Variants in C8orf88 observed in about 807,000 individuals in gnomAD.
C8orf88 encodes the protein uncharacterized protein C8orf88.
In C8orf88, 14 loss-of-function variants were observed where a neutral mutation model predicts 18.4. The ratio of observed to expected loss-of-function variants is 0.76; its 90% CI spans 0.50 to 1.19. The LOEUF (loss-of-function observed/expected upper bound fraction) is 1.19, where lower values mean the gene tolerates loss of function less well. Ranked by LOEUF, C8orf88 falls within the 50% of genes most tolerant of loss-of-function variation. The pLI is 0.00. For synonymous variants in C8orf88, 45 were observed against 42.9 expected (o/e 1.05, Z -0.19); for missense variants, 116 against 134.7 (o/e 0.86, Z 0.69).
chr8:90,982,252 G>GA (rs1217383769), intron 1 of C8orf88, among the ~76,000 whole-genome samples: 3 of 151,932 alleles, frequency 2.0e-5, no homozygotes, highest in South Asian at 2.1e-4. Flanking sequence ...AGCACAAATA[G>GA]AAAAAATACT....
intron 1 of C8orf88, among the ~76,000 whole-genome samples, chr8:90,982,003 T>C (rs1437243692): frequency 1.3e-5 from 2 of 152,146 alleles, no homozygotes; most frequent in African/African-American, 2.4e-5. Flanking sequence ...TTAAATATCT[T>C]TGGACATGTA....
In C8orf88 at chr8:90,981,934, C is replaced by T. The variant is rs894367321; in HGVS notation, c.-26-1473G>A. Among the ~76,000 whole-genome samples the T allele has an allele frequency of 3.3e-5, 5 of 152,052 alleles. No individual in the cohort carries two copies. In the South Asian group the frequency reaches 1.0e-3, roughly 32 times the overall value. On this transcript the variant is annotated intron_variant, in intron 1 of 5. Coordinates refer to ENST00000517562, the MANE Select transcript of C8orf88 (RefSeq NM_001190972.2). Reference sequence around the variant, plus strand: ...ATCATAAGTCTAAGTGCCTATTTCACCAAGTATAAGATAGAGTTAGTAACC... The same window carrying T: ...ATCATAAGTCTAAGTGCCTATTTCATCAAGTATAAGATAGAGTTAGTAACC...
At chr8:90,983,943 C>T (rs1246016469) in intron 1 of C8orf88, among the ~76,000 whole-genome samples, 1 of 152,144 alleles carries the variant, frequency 6.6e-6, no homozygotes, top group African/African-American at 2.4e-5. Flanking sequence ...TAAGGCCATG[C>T]AGAATAAATT....
Position 90,980,384 on chromosome 8 carries a change from G to A in C8orf88, c.52C>T (p.Arg18Cys), listed in dbSNP as rs548242893. ...TCACCTGGGGGAGAAGTCAGATGAC[G>A]AACAGGTCTTGCTGGTTGAAGCGGT... ...GKPLQPARPV[R>C]HLTSPPGAVF... The change falls in exon 2 of 6, where the codon CGT becomes TGT. Residue 18 changes from arginine to cysteine, a missense_variant. Physicochemically the swap from Arg to Cys is radical, Grantham distance 180 (BLOSUM62 -3). Coordinates refer to ENST00000517562, the MANE Select transcript of C8orf88 (RefSeq NM_001190972.2). 8.3e-5 allele frequency: 127 copies of A among 1,531,808 alleles called. 1 individual carries two copies. The highest frequency in any genetic ancestry group is 7.7e-4 in the South Asian group (64 of 83,060). The allele number at this position is 1,531,808 out of a possible 1,614,324, so 94.9% of individuals were successfully genotyped here.
At chr8:90,960,043 G>A (rs1288415024) in intron 5 of C8orf88, among the ~76,000 whole-genome samples, 1 of 151,364 alleles carries the variant, frequency 6.6e-6, no homozygotes, top group Non-Finnish European at 1.5e-5. Context: ...ATTCAATGAG[G>A]TTAAGTGACT....
chr8:90,971,174 T>C (rs956910398), intron 3 of C8orf88, 33 bp from the exon 4 acceptor site: 2 of 1,294,618 alleles, frequency 1.5e-6, no homozygotes, highest in Non-Finnish European at 2.0e-6. Flanking sequence ...ACTTTTTAAC[T>C]CAGGTTTTAA....
At chr8:90,976,476 C>T (rs956673755) in intron 3 of C8orf88, among the ~76,000 whole-genome samples, 3 of 151,802 alleles carry the variant, frequency 2.0e-5, no homozygotes, top group Non-Finnish European at 2.9e-5. Context: ...GTCAATGGTT[C>T]CAAAAAGTAA....
At chr8:90,966,301 A>C (rs1032902773) in intron 4 of C8orf88, among the ~76,000 whole-genome samples, 1 of 141,716 alleles carries the variant, frequency 7.1e-6, no homozygotes, top group African/African-American at 2.6e-5. Flanking sequence ...GGAACTGAAC[A>C]ATGAGAACAC....
chr8:90,973,969 T>A (rs917537675), intron 3 of C8orf88, among the ~76,000 whole-genome samples: 1 of 151,870 alleles, frequency 6.6e-6, no homozygotes, highest in African/African-American at 2.4e-5. Flanking sequence ...GGAAAAAAAA[T>A]TACAATTCGT....
At chr8:90,973,509 G>A (rs963085417) in intron 3 of C8orf88, among the ~76,000 whole-genome samples, 7 of 152,034 alleles carry the variant, frequency 4.6e-5, no homozygotes, top group South Asian at 2.1e-4. Flanking sequence ...TTGAGACAGC[G>A]TCTTGCTCTG....
intron 3 of C8orf88, among the ~76,000 whole-genome samples, chr8:90,978,301 G>C (rs1442040971): frequency 6.6e-6 from 1 of 152,066 alleles, no homozygotes; most frequent in Non-Finnish European, 1.5e-5. Flanking sequence ...GTTATCCATG[G>C]GCAGGACGGG....
At chr8:90,971,211 C>G (rs988176325) in intron 3 of C8orf88, 70 bp from the exon 4 acceptor site, 6 of 787,658 alleles carry the variant, frequency 7.6e-6, no homozygotes, top group African/African-American at 7.2e-5. Flanking sequence ...TTTAACTACC[C>G]AAAAATATTT....
intron 1 of C8orf88, among the ~76,000 whole-genome samples, chr8:90,981,459 C>A (rs1253348884): frequency 6.6e-6 from 1 of 152,168 alleles, no homozygotes; most frequent in African/African-American, 2.4e-5. Context: ...CAAGCTCTTG[C>A]CACTTCCTTG....
At chr8:90,962,238 A>C (rs895115105) in intron 4 of C8orf88, among the ~76,000 whole-genome samples, 15 of 151,698 alleles carry the variant, frequency 9.9e-5, no homozygotes, top group African/African-American at 3.6e-4. Flanking sequence ...AACAGAATAA[A>C]GATATTTTCA....
Position 90,963,265 on chromosome 8 carries a change from G to C in C8orf88, c.224-2417C>G, listed in dbSNP as rs531804519. ...ATGGTCATGCATGACAAAGAATATA[G>C]ATTTTACAATATTAGTTTGGAAAAG... is the stretch of plus-strand genomic sequence containing the variant. On this transcript the variant is annotated intron_variant, in intron 4 of 5. Coordinates refer to ENST00000517562, the MANE Select transcript of C8orf88 (RefSeq NM_001190972.2). Among the ~76,000 whole-genome samples, 3 of 151,654 alleles carry C rather than the reference G, an allele frequency of 2.0e-5. No individual in the cohort carries two copies. In the South Asian group the frequency reaches 6.2e-4, roughly 32 times the overall value.
chr8:90,970,605 G>A (rs188622457), intron 4 of C8orf88, among the ~76,000 whole-genome samples: 74 of 152,148 alleles, frequency 4.9e-4, no homozygotes, highest in African/African-American at 1.5e-3. Flanking sequence ...GCAATGTGAT[G>A]TAAGTGGAAG....
chr8:90,982,924 T>C (rs1003576524), intron 1 of C8orf88, among the ~76,000 whole-genome samples: 1 of 152,148 alleles, frequency 6.6e-6, no homozygotes. Context: ...CACGAGATTA[T>C]AATTAAGGCA....
intron 5 of C8orf88, among the ~76,000 whole-genome samples, chr8:90,960,156 T>C (rs1265116437): frequency 6.6e-6 from 1 of 151,450 alleles, no homozygotes; most frequent in African/African-American, 2.4e-5. Context: ...AAGAGATGCA[T>C]GTATGTATTT....
rs189338622 is a variant in C8orf88 at position 90,980,069 on chromosome 8, G to T, written c.73+294C>A. On this transcript the variant is annotated intron_variant, in intron 2 of 5. Transcript: ENST00000517562. ...ATAATCACAGGGCACAGTTTGTACT[G>T]GGAGTATCACTCTGACCAGAAGCCA... 1.7e-3 allele frequency among the ~76,000 whole-genome samples: 260 copies of T among 152,172 alleles called. 1 individual carries two copies. The highest frequency in any genetic ancestry group is 6.1e-3 in the African/African-American group (253 of 41,502).
Sources: gnomAD v4.1 joint callset for allele counts (sites outside exome capture counted in the v4.1 genomes callset) on GRCh38, gnomAD v4.1.1 for gene constraint, MANE v1.5 for transcripts, NCBI Gene and HGNC (gene_info 2026-07-23, HGNC 2026-07-21) for gene names.